Variants in SKI observed in about 807,000 individuals in gnomAD.
SKI encodes SKI proto-oncogene.
SKI carries 23 observed loss-of-function variants against 59.3 expected under a neutral mutation model. The ratio of observed to expected loss-of-function variants is 0.39; its 90% confidence interval spans 0.28 to 0.55. The LOEUF (loss-of-function observed/expected upper bound fraction) is 0.55, where lower values mean the gene tolerates loss of function less well. Ranked by LOEUF, SKI falls within the 20% of genes least tolerant of loss-of-function variation. The probability of loss-of-function intolerance (pLI) is 0.67; values close to 1 mark genes in which losing one functional copy is unlikely to be tolerated. For missense variants in SKI, 1,017 were observed against 1,038.9 expected, an observed-to-expected ratio of 0.98 and a Z score of 0.29; for synonymous variants, 673 against 488.6, an observed-to-expected ratio of 1.38 and a Z score of -4.98.
intron 1 of SKI, among the ~76,000 whole-genome samples, chr1:2,259,724 G>T (rs564889058): frequency 6.6e-6 from 1 of 152,326 alleles, no homozygotes; most frequent in East Asian, 1.9e-4. Flanking sequence ...TCCCCAGGCT[G>T]CAGCAGTCTG....
At position 2,306,743 on chromosome 1, in the gene SKI, G is replaced by A. The variant is rs1488554459; in HGVS notation, c.2165G>A (p.Gly722Asp). 19 of 1,525,972 alleles carry A rather than the reference G, an allele frequency of 1.2e-5. No homozygotes were observed. The Admixed American group carries it at 3.0e-4, about 24-fold the overall frequency. The allele number at this position is 1,525,972 out of a possible 1,614,324, so 94.5% of individuals were successfully genotyped here. The part of the protein sequence containing the change: ...RARPEAAGSE[G>D]AAELEP The stretch of plus-strand genomic sequence containing the variant: ...CGCCCCGAGGCTGCGGGCAGCGAGG[G>A]CGCTGCGGAGCTGGAGCCGTAGATT... The change falls in exon 7 of 7, where the codon GGC becomes GAC. Residue 722 changes from glycine (G) to aspartate (D), a missense_variant. Gly to Asp is a moderately conservative substitution (Grantham distance 94). Coordinates refer to ENST00000378536, the MANE Select transcript of SKI (RefSeq NM_003036.4).
intron 1 of SKI, among the ~76,000 whole-genome samples, chr1:2,298,101 A>C (rs1330161475): frequency 6.6e-6 from 1 of 152,120 alleles, no homozygotes; most frequent in Non-Finnish European, 1.5e-5. Flanking sequence ...TGGCCCCTGG[A>C]CTGACCTGTG....
intron 5 of SKI, among the ~76,000 whole-genome samples, chr1:2,305,103 C>T (rs991550979): frequency 2.0e-5 from 3 of 152,346 alleles, no homozygotes; most frequent in Middle Eastern, 3.4e-3. Flanking sequence ...CCAGGCCTCC[C>T]GAGTAGGAAG....
At chr1:2,242,775 C>G (rs1407072144) in intron 1 of SKI, among the ~76,000 whole-genome samples, 6 of 152,218 alleles carry the variant, frequency 3.9e-5, no homozygotes, top group African/African-American at 1.4e-4. Flanking sequence ...CTGCCTCAGC[C>G]TCCCAAAGTG....
intron 1 of SKI, among the ~76,000 whole-genome samples, chr1:2,299,261 G>A (rs904465339): frequency 6.6e-6 from 1 of 152,200 alleles, no homozygotes; most frequent in Non-Finnish European, 1.5e-5. Context: ...GGAGGGGGGG[G>A]GCCACACGGG....
intron 1 of SKI, among the ~76,000 whole-genome samples, chr1:2,236,623 T>G (rs1302014761): frequency 6.6e-6 from 1 of 152,152 alleles, no homozygotes; most frequent in African/African-American, 2.4e-5. Flanking sequence ...GCCAGGATGG[T>G]CTCCATCTCC....
chr1:2,302,978 G>T lies in SKI; in HGVS notation c.970G>T (p.Val324Phe). Residue 324 changes from valine to phenylalanine, a missense_variant and splice_region_variant, in exon 2 of 7, where the codon GTC (valine) becomes TTC (phenylalanine). Coordinates refer to ENST00000378536, the MANE Select transcript of SKI (RefSeq NM_003036.4). ...CAACAAAACCTTTCATTGATCGCAG[G>T]TCTCCTCTGAGCCTCCGGCCTCCAT... ...GNKYKRRVPRVSSEPPASIRP... is the reference protein window; with the variant it reads ...GNKYKRRVPRFSSEPPASIRP... 1 of 1,613,496 alleles carries T rather than the reference G, an allele frequency of 6.2e-7. No individual in the cohort carries two copies. The highest frequency in any genetic ancestry group is 1.1e-5 in the South Asian group (1 of 91,088).
At chr1:2,278,119 T>C (rs377606472) in intron 1 of SKI, among the ~76,000 whole-genome samples, 1 of 152,134 alleles carries the variant, frequency 6.6e-6, no homozygotes, top group East Asian at 1.9e-4. Flanking sequence ...GGGGCCACAG[T>C]ATGGTTCTTA....
chr1:2,292,971 CTGGG>C (rs1640197713), intron 1 of SKI, among the ~76,000 whole-genome samples: 1 of 152,214 alleles, frequency 6.6e-6, no homozygotes, highest in Admixed American at 6.5e-5. Context: ...CCTCCAGTCT[CTGGG>C]TGGTGGTGAG....
chr1:2,260,542 T>TTC (rs1557825857), intron 1 of SKI, among the ~76,000 whole-genome samples: 1 of 123,184 alleles, frequency 8.1e-6, no homozygotes, highest in Admixed American at 8.2e-5. Flanking sequence ...TTTCTTTTTT[T>TTC]TTTTTTTTTT....
At chr1:2,294,296 G>C (rs994079901) in intron 1 of SKI, among the ~76,000 whole-genome samples, 3 of 152,236 alleles carry the variant, frequency 2.0e-5, no homozygotes, top group Admixed American at 1.3e-4. Context: ...TTCTAGAAAA[G>C]GTTTCATCTG....
chr1:2,297,132 G>A lies in SKI; in HGVS notation c.970-5846G>A, dbSNP rs187681378. ...CCACAAAGTTTGTGTTTGGAGACACGGTCTCAGTGTGTTGCTCAGGCTGGA... is the reference window on the plus strand; with the variant it reads ...CCACAAAGTTTGTGTTTGGAGACACAGTCTCAGTGTGTTGCTCAGGCTGGA... On this transcript the variant is annotated intron_variant, in intron 1 of 6. Transcript: ENST00000378536. Among the ~76,000 whole-genome samples, 5 of 152,094 alleles carry A rather than the reference G, an allele frequency of 3.3e-5. No individual in the cohort carries two copies. The East Asian group carries it at 7.8e-4, about 24-fold the overall frequency.
intron 1 of SKI, among the ~76,000 whole-genome samples, chr1:2,252,577 G>A (rs1043665053): frequency 6.7e-6 from 1 of 148,418 alleles, no homozygotes; most frequent in African/African-American, 2.5e-5. Flanking sequence ...CAGTGCCCGC[G>A]GAGCAGGTAC....
In SKI at chr1:2,303,589, G is replaced by C; in HGVS notation, c.1211+189G>C. On this transcript the variant is annotated intron_variant, in intron 3 of 6. Transcript: ENST00000378536. This position sits in a 1 kb window ranked among gnomAD's most constrained non-coding sequence, Gnocchi z 5.6. ...CACCTAGAGCGTTCCCTGTGTTCTGGGTGGAGTCGTGGGTGGAGCCCTGTC... is the reference window on the plus strand; with the variant it reads ...CACCTAGAGCGTTCCCTGTGTTCTGCGTGGAGTCGTGGGTGGAGCCCTGTC... The C allele has an allele frequency of 1.5e-6, 1 of 687,172 alleles. No homozygotes were observed. The highest frequency in any genetic ancestry group is 2.4e-6 in the Non-Finnish European group (1 of 409,088). 42.6% of individuals were successfully genotyped at this position (687,172 alleles called of 1,614,324 possible). A position where few individuals can be genotyped will look rare whatever the true frequency, so the allele number is the denominator to read the frequency against.
At chr1:2,252,237 C>A (rs986759152) in intron 1 of SKI, among the ~76,000 whole-genome samples, 8 of 152,186 alleles carry the variant, frequency 5.3e-5, no homozygotes, top group Admixed American at 2.0e-4. Context: ...CGGGTCCATT[C>A]ATTTTTAGCT....
chr1:2,306,232 C>T lies in SKI; in HGVS notation c.1980C>T (p.Arg660=), dbSNP rs747867399. Residue 660 remains arginine (R), a synonymous_variant, in exon 6 of 7, where the codon CGC becomes CGT. Transcript: ENST00000378536. ...AGGGCTGCGAGGCGGGCCGCCTGCG[C>T]GCCAAGTACTCGGCCCAGGTATGCG... The part of the protein sequence containing the change: ...CDKGCEAGRL[R]AKYSAQIEDL... 3.2e-6 allele frequency: 5 copies of T among 1,557,672 alleles called. No individual in the cohort carries two copies. Among genetic ancestry groups the T allele is most frequent in the African/African-American group, 1.4e-5 (1 of 73,466 alleles).
At chr1:2,289,392 C>T (rs994090263) in intron 1 of SKI, among the ~76,000 whole-genome samples, 4 of 152,084 alleles carry the variant, frequency 2.6e-5, no homozygotes, top group Admixed American at 2.0e-4. Context: ...GGCTGGTCAC[C>T]ACGTGGCCAC....
At chr1:2,253,384 G>A (rs557109440) in intron 1 of SKI, among the ~76,000 whole-genome samples, 2 of 152,340 alleles carry the variant, frequency 1.3e-5, no homozygotes, top group South Asian at 4.1e-4. Context: ...TAGGTGTCTG[G>A]AGTTATCCAT....
At chr1:2,275,520 C>A (rs1457640976) in intron 1 of SKI, among the ~76,000 whole-genome samples, 1 of 151,952 alleles carries the variant, frequency 6.6e-6, no homozygotes, top group Admixed American at 6.6e-5. Context: ...AGACGTTTAT[C>A]TGTTTTTTTT....
Sources: allele counts gnomAD v4.1 joint callset (sites outside exome capture counted in the v4.1 genomes callset), GRCh38; gene constraint gnomAD v4.1.1; non-coding constraint Gnocchi (gnomAD v3.1); transcripts MANE v1.5; gene names NCBI Gene and HGNC (gene_info 2026-07-23, HGNC 2026-07-21).